DLX5: variants seen among roughly 807,000 people sequenced by gnomAD.
DLX5 encodes the protein homeobox protein DLX-5.
A neutral mutation model predicts 27.1 loss-of-function variants in DLX5; 8 were observed. That is an observed-to-expected ratio of 0.30 (90% CI 0.17 to 0.53). The LOEUF (loss-of-function observed/expected upper bound fraction) is 0.53. Among genes scored for constraint, DLX5 ranks in the 20% least tolerant of loss-of-function variants. The probability of loss-of-function intolerance (pLI) is 0.95; values close to 1 mark genes in which losing one functional copy is unlikely to be tolerated. For missense variants in DLX5, 339 were observed against 375.1 expected (o/e 0.90, Z 0.80); for synonymous variants, 178 against 161.9 (o/e 1.10, Z -0.75).
chr7:97,021,197 C>T, intron 2 of DLX5, 132 bp from the exon 3 acceptor site: 1 of 864,108 alleles, frequency 1.2e-6, no homozygotes, highest in Non-Finnish European at 1.7e-6. Context: ...CCGCCGCTTG[C>T]GGCCTACCGC....
chr7:97,023,337 G>GGTGTGTGTGTGTGTGTGT (rs10525881), intron 1 of DLX5, among the ~76,000 whole-genome samples: 2 of 145,506 alleles, frequency 1.4e-5, no homozygotes, highest in African/African-American at 5.1e-5. Flanking sequence ...ACCTCTCCAG[G>GGTGTGTGTGTGTGTGTGT]GTGTGTGTGT....
In DLX5 at chr7:97,020,904, G is replaced by C. The variant is rs35273378; in HGVS notation, c.702C>G (p.Ser234Arg). Residue 234 changes from serine (S) to arginine (R), a missense_variant, in exon 3 of 3, where the codon AGC (serine) becomes AGG (arginine). Physicochemically the swap from Ser to Arg is moderately radical, Grantham distance 110. Transcript: ENST00000648378. ...WEPQGSSRSL[S>R]HHPHAHPPTS... ...TCGGAGGGTGGGCATGAGGGTGGTGGCTGAGCGAGCGGGACGAGCCCTGGG... is the reference window on the plus strand; with the variant it reads ...TCGGAGGGTGGGCATGAGGGTGGTGCCTGAGCGAGCGGGACGAGCCCTGGG... 1 of 1,614,190 alleles carries C rather than the reference G, an allele frequency of 6.2e-7. No individual in the cohort carries two copies. Among genetic ancestry groups the C allele is most frequent in the African/African-American group, 1.3e-5 (1 of 75,080 alleles).
rs1562796584 is a variant in DLX5 at position 97,022,261 on chromosome 7, C to A, written c.464G>T (p.Arg155Met). ...SSFQLAALQR[R>M]FQKTQYLALP... ...GGCGAGGTACTGAGTCTTCTGAAAC[C>A]TTCTCTGTAATGCGGCCAGCTGAAA... The change falls in exon 2 of 3, where the codon AGG becomes ATG. Residue 155 changes from arginine to methionine, a missense_variant. By Grantham distance (91) the Arg-to-Met change is moderately conservative (BLOSUM62 -1). Transcript: ENST00000648378. 1 of 1,614,246 alleles carries A rather than the reference C, an allele frequency of 6.2e-7. No individual in the cohort carries two copies. Among genetic ancestry groups the A allele is most frequent in the Admixed American group, 1.7e-5 (1 of 60,030 alleles).
Position 97,024,285 on chromosome 7 carries a change from G to C in DLX5, c.339C>G (p.Ser113Arg). Residue 113 changes from serine (S) to arginine (R), a missense_variant, in exon 1 of 3, where the codon AGC (serine) becomes AGG (arginine). Physicochemically the swap from Ser to Arg is moderately radical, Grantham distance 110. This residue lies in a region of DLX5 where 188 missense variants were observed against 206.1 expected (regional missense o/e 0.91). Coordinates refer to ENST00000648378, the MANE Select transcript of DLX5 (RefSeq NM_005221.6). This position sits in a 1 kb window ranked among gnomAD's most constrained non-coding sequence, Gnocchi z 4.6. ...TCCATGTACCTGGCTGGTTGGTGGC[G>C]CTTGGGACGCGGTTGTAGGCGCCGC... is the stretch of plus-strand genomic sequence containing the variant. ...QYGGAYNRVP[S>R]ATNQPEKEVT... is the part of the protein sequence containing the mutation. 6.2e-7 allele frequency: 1 copy of C among 1,613,434 alleles called. No individual in the cohort carries two copies. The highest frequency in any genetic ancestry group is 8.5e-7 in the Non-Finnish European group (1 of 1,179,504).
chr7:97,023,728 CGG>C (rs1344854579), intron 1 of DLX5, among the ~76,000 whole-genome samples: 1 of 152,092 alleles, frequency 6.6e-6, no homozygotes, highest in African/African-American at 2.4e-5. Flanking sequence ...GCAAAACTCT[CGG>C]CGCGCTCTTC....
rs369262403 is a variant in DLX5, at chr7:97,021,858, A to G, written c.540+327T>C. 1.4e-5 allele frequency: 8 copies of G among 570,174 alleles called. No homozygotes were observed. The Admixed American group carries it at 2.2e-4, about 16-fold the overall frequency. 35.3% of individuals were successfully genotyped at this position (570,174 alleles called of 1,614,324 possible). On this transcript the variant is annotated intron_variant, in intron 2 of 2. Transcript: ENST00000648378. ...CTCTACATTGTTAAGAAAACCAGAT[A>G]GCTGCTCTGGGCTGCCTAGGCCGCC...
intron 1 of DLX5, among the ~76,000 whole-genome samples, chr7:97,023,340 GTGTGT>G (rs1790117584): frequency 5.0e-5 from 1 of 19,930 alleles, no homozygotes; most frequent in Non-Finnish European, 1.1e-4. Context: ...TCTCCAGGGT[GTGTGT>G]GTGTGTGTGT....
rs587777842 is a variant in DLX5 at position 97,024,509 on chromosome 7, C to G, written c.115G>C (p.Glu39Gln). 6.2e-7 allele frequency: 1 copy of G among 1,614,084 alleles called. No homozygotes were observed. The highest frequency in any genetic ancestry group is 1.3e-5 in the African/African-American group (1 of 74,934). ...TAGTCAGAATCGGTAGCTGAAGACT[C>G]GGGCAAAGTTGGCGATTCCTGAGAC... ...HPSQESPTLP[E>Q]SSATDSDYYS... The change falls in exon 1 of 3, where the codon GAG (glutamate) becomes CAG (glutamine). Residue 39 changes from glutamate to glutamine, a missense_variant. Physicochemically the swap from Glu to Gln is conservative, Grantham distance 29. This residue lies in a region of DLX5 where 188 missense variants were observed against 206.1 expected (regional missense o/e 0.91). Transcript: ENST00000648378. The surrounding 1 kb of genome is among the most constrained non-coding windows in gnomAD (Gnocchi z 4.6).
At chr7:97,021,855 G>A in intron 2 of DLX5, 1 of 570,442 alleles carries the variant, frequency 1.8e-6, no homozygotes, top group Non-Finnish European at 3.1e-6. Flanking sequence ...AAGAAAACCA[G>A]ATAGCTGCTC....
At chr7:97,022,649 T>G in intron 1 of DLX5, 73 of 962,572 alleles carry the variant, frequency 7.6e-5, no homozygotes, top group Non-Finnish European at 8.8e-5. Flanking sequence ...GATTCAGCTC[T>G]TGCGGTCGTT....
In DLX5 at chr7:97,020,910, C is replaced by T. The variant is rs371372992; in HGVS notation, c.696G>A (p.Ser232=). The T allele has an allele frequency of 1.4e-5, 23 of 1,613,962 alleles. No individual in the cohort carries two copies. Among genetic ancestry groups the T allele is most frequent in the Middle Eastern group, 1.7e-4 (1 of 6,014 alleles). The change falls in exon 3 of 3, where the codon TCG becomes TCA. Residue 232 remains serine, a synonymous_variant. Transcript: ENST00000648378. ...GGTGGGCATGAGGGTGGTGGCTGAG[C>T]GAGCGGGACGAGCCCTGGGGCTCCC... The part of the protein sequence containing the change: ...AVWEPQGSSR[S]LSHHPHAHPP...
rs758348857 is a variant in DLX5 at position 97,024,374 on chromosome 7, C to G, written c.250G>C (p.Ala84Pro). Reference protein sequence around the residue: ...QYQYHGVNGSAGSYPAKAYAD... With the variant: ...QYQYHGVNGSPGSYPAKAYAD... ...TAAGCTTTGGCTGGGTAGCTCCCGG[C>G]GGAGCCGTTCACGCCGTGATACTGA... Residue 84 changes from alanine to proline, a missense_variant, in exon 1 of 3, where the codon GCC becomes CCC. By Grantham distance (27) the Ala-to-Pro change is conservative. Transcript: ENST00000648378. This position sits in a 1 kb window ranked among gnomAD's most constrained non-coding sequence, Gnocchi z 4.6. 2.5e-6 allele frequency: 4 copies of G among 1,614,216 alleles called. No individual in the cohort carries two copies. Among genetic ancestry groups the G allele is most frequent in the Non-Finnish European group, 3.4e-6 (4 of 1,180,040 alleles).
In DLX5 at chr7:97,020,767, G is replaced by A. The variant is rs929373566; in HGVS notation, c.839C>T (p.Pro280Leu). 13 of 1,604,012 alleles carry A rather than the reference G, an allele frequency of 8.1e-6. No homozygotes were observed. Among genetic ancestry groups the A allele is most frequent in the African/African-American group, 2.7e-5 (2 of 74,788 alleles). Residue 280 changes from proline (P) to leucine (L), a missense_variant, in exon 3 of 3, where the codon CCG (proline) becomes CTG (leucine). Pro to Leu is a moderately conservative substitution (Grantham distance 98). Coordinates refer to ENST00000648378, the MANE Select transcript of DLX5 (RefSeq NM_005221.6). Reference protein sequence around the residue: ...HLPPPGSLQHPLALASGTLY With the variant: ...HLPPPGSLQHLLALASGTLY ...GAGTGTCCCGGAGGCCAGCGCCAGC[G>A]GGTGCTGTAAGGAGCCCGGCGGCGG... is the stretch of plus-strand genomic sequence containing the variant.
At chr7:97,021,251 AGGGCGCCCTGGCCGGCTCG>A (rs1041971561) in intron 2 of DLX5, among the ~76,000 whole-genome samples, 186 bp from the exon 3 acceptor site, 1 of 152,088 alleles carries the variant, frequency 6.6e-6, no homozygotes, top group Non-Finnish European at 1.5e-5. Context: ...CTGGCCCCAG[AGGGCGCCCTGGCCGGCTCG>A]GGGCGCCCCG....
Position 97,020,926 on chromosome 7 carries a change from T to C in DLX5, c.680A>G (p.Gln227Arg), listed in dbSNP as rs1562796001. Residue 227 changes from glutamine to arginine, a missense_variant, in exon 3 of 3, where the codon CAG (glutamine) becomes CGG (arginine). Physicochemically the swap from Gln to Arg is conservative, Grantham distance 43. Coordinates refer to ENST00000648378, the MANE Select transcript of DLX5 (RefSeq NM_005221.6). ...GTGGCTGAGCGAGCGGGACGAGCCCTGGGGCTCCCACACCGCTGGAGACTG... is the reference window on the plus strand; with the variant it reads ...GTGGCTGAGCGAGCGGGACGAGCCCCGGGGCTCCCACACCGCTGGAGACTG... ...SPQSPAVWEP[Q>R]GSSRSLSHHP... 1.9e-6 allele frequency: 3 copies of C among 1,614,068 alleles called. No homozygotes were observed. Among genetic ancestry groups the C allele is most frequent in the Non-Finnish European group, 2.5e-6 (3 of 1,180,040 alleles).
intron 1 of DLX5, among the ~76,000 whole-genome samples, chr7:97,023,653 G>A (rs571601964): frequency 6.6e-6 from 1 of 152,084 alleles, no homozygotes; most frequent in East Asian, 1.9e-4. Flanking sequence ...CCTACAACGT[G>A]ACCCCTCAGC....
intron 1 of DLX5, among the ~76,000 whole-genome samples, chr7:97,023,631 A>G (rs1323013521): frequency 1.3e-5 from 2 of 152,088 alleles, no homozygotes; most frequent in African/African-American, 4.8e-5. Context: ...GGAGACAGAA[A>G]AAAAAATCTA....
intron 1 of DLX5, among the ~76,000 whole-genome samples, chr7:97,023,400 G>A (rs1790118914): frequency 6.6e-6 from 1 of 151,396 alleles, no homozygotes; most frequent in Admixed American, 6.6e-5. Flanking sequence ...AAGTGTGGAG[G>A]ATGAGGGCTG....
chr7:97,024,402 C>T lies in DLX5; in HGVS notation c.222G>A (p.Gln74=), dbSNP rs775952037. ...ASYGKALNPY[Q]YQYHGVNGSA... is the part of the protein sequence containing the mutation. ...AGCCGTTCACGCCGTGATACTGATA[C>T]TGGTAGGGGTTGAGAGCTTTGCCAT... Residue 74 remains glutamine, a synonymous_variant, in exon 1 of 3, where the codon CAG becomes CAA. Transcript: ENST00000648378. This position sits in a 1 kb window ranked among gnomAD's most constrained non-coding sequence, Gnocchi z 4.6. 2.5e-6 allele frequency: 4 copies of T among 1,614,226 alleles called. No individual in the cohort carries two copies. Among genetic ancestry groups the T allele is most frequent in the Non-Finnish European group, 3.4e-6 (4 of 1,180,052 alleles).
Sources: allele counts gnomAD v4.1 joint callset (sites outside exome capture counted in the v4.1 genomes callset), GRCh38; gene constraint gnomAD v4.1.1; regional missense constraint gnomAD v4.1.1; non-coding constraint Gnocchi (gnomAD v3.1); transcripts MANE v1.5; gene names NCBI Gene and HGNC (gene_info 2026-07-23, HGNC 2026-07-21).